The following CACNA1E variants were observed in gnomAD, a reference collection of about 807,000 sequenced individuals.
CACNA1E encodes voltage-dependent R-type calcium channel subunit alpha-1E.
In CACNA1E, 40 loss-of-function variants were observed where a neutral mutation model predicts 259.2. The ratio of observed to expected loss-of-function variants is 0.15; its 90% CI spans 0.12 to 0.20. The LOEUF (loss-of-function observed/expected upper bound fraction) is 0.20, where lower values mean the gene tolerates loss of function less well. CACNA1E is among the 10% of genes least tolerant of loss of function. The pLI, the probability that CACNA1E is intolerant of heterozygous loss-of-function variation, is 1.00. For missense variants in CACNA1E, 1,874 were observed against 3,040.1 expected (o/e 0.62, Z 9.02); for synonymous variants, 1,104 against 1,138.5 (o/e 0.97, Z 0.61).
chr1:181,774,330 T>C (rs1253234867), intron 37 of CACNA1E, among the ~76,000 whole-genome samples: 1 of 152,216 alleles, frequency 6.6e-6, no homozygotes, highest in Admixed American at 6.5e-5. Flanking sequence ...GGGTCCTGCC[T>C]GATAGGTAGT....
intron 44 of CACNA1E, among the ~76,000 whole-genome samples, chr1:181,791,836 G>A (rs1661338824): frequency 6.6e-6 from 1 of 152,144 alleles, no homozygotes; most frequent in Non-Finnish European, 1.5e-5. Flanking sequence ...CGCTGCTACT[G>A]TGTACCTCAG....
chr1:181,572,013 A>T (rs1650461500), intron 3 of CACNA1E, among the ~76,000 whole-genome samples: 1 of 152,228 alleles, frequency 6.6e-6, no homozygotes, highest in African/African-American at 2.4e-5. Context: ...TATTCCATGC[A>T]TTGTACAAAC....
At chr1:181,764,812 A>ACTT (rs1377963159) in intron 34 of CACNA1E, among the ~76,000 whole-genome samples, 2 of 152,094 alleles carry the variant, frequency 1.3e-5, no homozygotes, top group Non-Finnish European at 2.9e-5. Flanking sequence ...TGCCCAACAA[A>ACTT]CTTCAGTGGT....
chr1:181,617,051 T>G (rs1481169720), intron 6 of CACNA1E, among the ~76,000 whole-genome samples: 3 of 152,214 alleles, frequency 2.0e-5, no homozygotes, highest in African/African-American at 7.2e-5. Context: ...AATCTCTGCT[T>G]TCTCCCTCTT....
At position 181,724,552 on chromosome 1, in the gene CACNA1E, C is replaced by T. The variant is rs770143213; in HGVS notation, c.2142+15C>T. The T allele has an allele frequency of 1.9e-6, 3 of 1,603,628 alleles. No individual in the cohort carries two copies. The South Asian group carries it at 3.4e-5, about 18-fold the overall frequency. ...AACTGACCAAGGTAAGCATTGTTTT[C>T]TGGGGATCTGATGTTTCTCTAGTGC... On this transcript the variant is annotated intron_variant, in intron 17 of 47. Coordinates refer to ENST00000367573, the MANE Select transcript of CACNA1E (RefSeq NM_001205293.3).
intron 7 of CACNA1E, among the ~76,000 whole-genome samples, chr1:181,679,889 G>T (rs767766305): frequency 6.6e-6 from 1 of 152,056 alleles, no homozygotes; most frequent in Non-Finnish European, 1.5e-5. Flanking sequence ...GAGGCTGAGC[G>T]GGGAGAATCA....
chr1:181,439,433 T>A (rs116182853), intron 2 of CACNA1E, among the ~76,000 whole-genome samples: 75,316 of 151,412 alleles, frequency 0.5, 18,935 homozygotes, highest in Admixed American at 0.55. Flanking sequence ...GACTCTACCT[T>A]TTTTCTGCTC....
chr1:181,449,411 T>C (rs1266182473), intron 2 of CACNA1E, among the ~76,000 whole-genome samples: 1 of 152,230 alleles, frequency 6.6e-6, no homozygotes, highest in East Asian at 1.9e-4. Context: ...ATTCTTGCTC[T>C]TTTCTTCCAA....
Position 181,732,862 on chromosome 1 carries a change from G to A in CACNA1E, c.2776G>A (p.Val926Ile), listed in dbSNP as rs370910420. ...CCAACGGCGCAGCCGGCATCGCCGC[G>A]TCAGGACAGAAGGCAAGGAGTCCTC... ...QSQRRSRHRR[V>I]RTEGKESSSA... Residue 926 changes from valine to isoleucine, a missense_variant, in exon 20 of 48, where the codon GTC becomes ATC. Physicochemically the swap from Val to Ile is conservative, Grantham distance 29 (BLOSUM62 3). Transcript: ENST00000367573. The surrounding 1 kb of genome is among the most constrained non-coding windows in gnomAD (Gnocchi z 5.5). The A allele has an allele frequency of 1.9e-4, 300 of 1,613,988 alleles. 4 individuals are homozygous for A. The highest frequency in any genetic ancestry group is 1.5e-3 in the South Asian group (138 of 91,078).
chr1:181,609,963 C>A (rs531134578), intron 6 of CACNA1E, among the ~76,000 whole-genome samples: 1 of 152,210 alleles, frequency 6.6e-6, no homozygotes, highest in African/African-American at 2.4e-5. Context: ...CAGGACAGAG[C>A]ACATCTCCAT....
At chr1:181,490,568 G>A (rs1215710413) in intron 1 of CACNA1E, among the ~76,000 whole-genome samples, 18 of 146,110 alleles carry the variant, frequency 1.2e-4, no homozygotes, top group African/African-American at 3.8e-4. Flanking sequence ...TTTTGCCTGT[G>A]GGTGGTTGAT....
At position 181,790,482 on chromosome 1, in the gene CACNA1E, T is replaced by C; in HGVS notation, c.5824T>C (p.Ser1942Pro). ...RSGYPSMSPL[S>P]PQDIFQLACM... ...TGGATACCCTTCGATGAGTCCACTC[T>C]CTCCCCAGGATATATTCCAGTTGGC... is the stretch of plus-strand genomic sequence containing the variant. Residue 1942 changes from serine to proline, a missense_variant, in exon 44 of 48, where the codon TCT becomes CCT. Ser to Pro is a moderately conservative substitution (Grantham distance 74). Coordinates refer to ENST00000367573, the MANE Select transcript of CACNA1E (RefSeq NM_001205293.3). The C allele has an allele frequency of 3.7e-6, 6 of 1,613,544 alleles. No individual in the cohort carries two copies. Among genetic ancestry groups the C allele is most frequent in the Non-Finnish European group, 5.1e-6 (6 of 1,179,526 alleles).
In CACNA1E at chr1:181,340,163, AT is replaced by A. The variant is rs1180993396; in HGVS notation, c.-15+22049del. Among the ~76,000 whole-genome samples, 9 of 150,804 alleles carry A rather than the reference AT, an allele frequency of 6.0e-5. No homozygotes were observed. The South Asian group carries it at 6.3e-4, about 11-fold the overall frequency. ...AGACTTGGGGGAAGGATCCTACATA[AT>A]TTTTTTTTACATGTCTACTCACTTG... is the stretch of plus-strand genomic sequence containing the variant. On this transcript the variant is annotated intron_variant, in intron 1 of 11. Transcript: ENST00000524607.
At chr1:181,460,245 C>G (rs1185869150) in intron 2 of CACNA1E, among the ~76,000 whole-genome samples, 1 of 152,158 alleles carries the variant, frequency 6.6e-6, no homozygotes, top group Non-Finnish European at 1.5e-5. Flanking sequence ...AAAGCTGACT[C>G]TGGTTGCAGT....
chr1:181,563,438 C>T (rs995458329), intron 3 of CACNA1E, among the ~76,000 whole-genome samples: 30 of 152,198 alleles, frequency 2.0e-4, no homozygotes, highest in Non-Finnish European at 4.1e-4. Context: ...AAAAAAGGGC[C>T]CCTGTCCCCC....
At chr1:181,648,114 C>T (rs1356186646) in intron 6 of CACNA1E, among the ~76,000 whole-genome samples, 4 of 152,100 alleles carry the variant, frequency 2.6e-5, no homozygotes, top group Non-Finnish European at 5.9e-5. Context: ...ATAATGTTTG[C>T]GGCAATTCAG....
At chr1:181,783,137 T>C (rs188391222) in intron 39 of CACNA1E, among the ~76,000 whole-genome samples, 19 of 152,332 alleles carry the variant, frequency 1.2e-4, no homozygotes, top group African/African-American at 4.3e-4. Context: ...TGTTCAATCA[T>C]GTGCGGGCAA....
chr1:181,483,576 G>GGCT lies in CACNA1E; in HGVS notation c.-157_-155dup. On this transcript the variant is annotated 5_prime_UTR_variant, in exon 1 of 48. Coordinates refer to ENST00000367573, the MANE Select transcript of CACNA1E (RefSeq NM_001205293.3). ...TTAGATTCAACAGTTCACAGCGGCG[G>GGCT]GCTGCTGCTGCTGCCTCTCCGAAGA... 2.2e-6 allele frequency: 1 copy of GGCT among 448,794 alleles called. No individual in the cohort carries two copies. The highest frequency in any genetic ancestry group is 3.9e-6 in the Non-Finnish European group (1 of 253,956). The allele number at this position is 448,794 out of a possible 1,614,324, so 27.8% of individuals were successfully genotyped here. A position where few individuals can be genotyped will look rare whatever the true frequency, so the allele number is the denominator to read the frequency against.
At chr1:181,630,921 C>A (rs1412678460) in intron 6 of CACNA1E, among the ~76,000 whole-genome samples, 5 of 152,076 alleles carry the variant, frequency 3.3e-5, no homozygotes, top group Non-Finnish European at 7.4e-5. Context: ...TTCTGCTTAC[C>A]TCCCAAGTGT....
Sources: gnomAD v4.1 joint callset for allele counts (sites outside exome capture counted in the v4.1 genomes callset) on GRCh38, gnomAD v4.1.1 for gene constraint, Gnocchi (gnomAD v3.1) non-coding constraint, MANE v1.5 for transcripts, NCBI Gene and HGNC (gene_info 2026-07-23, HGNC 2026-07-21) for gene names.